Variants in APOBEC3A observed in about 807,000 individuals in gnomAD.
APOBEC3A encodes the protein DNA dC->dU-editing enzyme APOBEC-3A.
APOBEC3A carries 13 observed loss-of-function variants against 23.0 expected under a neutral mutation model. The observed-to-expected ratio is 0.57, with a 90% CI of 0.37 to 0.90. The LOEUF is 0.90. APOBEC3A is among the 40% of genes least tolerant of loss of function. The pLI, the probability that APOBEC3A is intolerant of heterozygous loss-of-function variation, is 0.01. For missense variants in APOBEC3A, 179 were observed against 264.9 expected (o/e 0.68, Z 2.25); for synonymous variants, 74 against 101.3 (o/e 0.73, Z 1.62).
chr22:38,962,038 C>A lies in APOBEC3A; in HGVS notation c.470-60C>A, dbSNP rs1922919096. The A allele has an allele frequency of 1.1e-5, 17 of 1,565,644 alleles. No homozygotes were observed. The South Asian group carries it at 1.6e-4, about 14-fold the overall frequency. On this transcript the variant is annotated intron_variant, in intron 3 of 4. Transcript: ENST00000249116. ...GAAGTCTGTCCTGAGAGTCATGGGC[C>A]CTAGGTGCCACCCCGATCCCACAGC...
chr22:38,960,873 G>A, intron 2 of APOBEC3A, among the ~76,000 whole-genome samples: 1 of 151,772 alleles, frequency 6.6e-6, no homozygotes, highest in Non-Finnish European at 1.5e-5. Context: ...TGACCTCGGG[G>A]CTCCGCCGGC....
chr22:38,958,978 G>A (rs1263961795), intron 1 of APOBEC3A, among the ~76,000 whole-genome samples: 3 of 152,176 alleles, frequency 2.0e-5, no homozygotes, highest in South Asian at 2.1e-4. Context: ...TCCAGCCCAG[G>A]AGTCCTGAGC....
chr22:38,958,001 T>A (rs1331403501), intron 1 of APOBEC3A, among the ~76,000 whole-genome samples: 3 of 152,226 alleles, frequency 2.0e-5, no homozygotes, highest in Non-Finnish European at 4.4e-5. Context: ...GTGAAGACGG[T>A]CAGAGAGGGG....
In APOBEC3A at chr22:38,962,071, T is replaced by C. The variant is rs1215982975; in HGVS notation, c.470-27T>C. 16 of 1,594,790 alleles carry C rather than the reference T, an allele frequency of 1.0e-5. No individual in the cohort carries two copies. In the Admixed American group the frequency reaches 2.4e-4, roughly 23 times the overall value. ...CCACCCCGATCCCACAGCGGGAGCG[T>C]GACTTATCTCCCCTGTCCCTTTTCA... On this transcript the variant is annotated intron_variant, in intron 3 of 4. Coordinates refer to ENST00000249116, the MANE Select transcript of APOBEC3A (RefSeq NM_145699.4).
chr22:38,962,957 CAA>C lies in APOBEC3A; in HGVS notation c.*460_*461del, dbSNP rs60486763. The C allele has an allele frequency of 7.5e-4, 110 of 146,672 alleles. No individual in the cohort carries two copies. Among genetic ancestry groups the C allele is most frequent in the South Asian group, 4.6e-3 (27 of 5,838 alleles). The allele number at this position is 146,672 out of a possible 1,614,324, so 9.1% of individuals were successfully genotyped here. ...TGGGCGACAGTACCAGACTCCATCTCAAAAAAAAAAAAACCAGACTGAATTAA... is the reference window on the plus strand; with the variant it reads ...TGGGCGACAGTACCAGACTCCATCTCAAAAAAAAAAACCAGACTGAATTAA... On this transcript the variant is annotated 3_prime_UTR_variant, in exon 5 of 5. Transcript: ENST00000249116.
intron 4 of APOBEC3A, 99 bp from the exon 5 acceptor site, chr22:38,962,396 C>T: frequency 6.4e-7 from 1 of 1,556,724 alleles, no homozygotes; most frequent in Non-Finnish European, 8.7e-7. Context: ...CCGCATCCCT[C>T]CCTCCTCTCC....
intron 1 of APOBEC3A, among the ~76,000 whole-genome samples, chr22:38,958,818 CTTCTTTCT>C (rs1190575224): frequency 8.9e-6 from 1 of 111,834 alleles, no homozygotes; most frequent in South Asian, 2.7e-4. Flanking sequence ...TTTCTCTTTC[CTTCTTTCT>C]TTCTTTCTTT....
At chr22:38,959,785 T>C in intron 2 of APOBEC3A, 99 bp downstream of exon 2, 1 of 1,471,876 alleles carries the variant, frequency 6.8e-7, no homozygotes, top group Non-Finnish European at 9.1e-7. Flanking sequence ...TCCTGCAGTG[T>C]TTGTCACTTG....
intron 2 of APOBEC3A, among the ~76,000 whole-genome samples, chr22:38,959,908 G>A (rs1922800354): frequency 6.6e-6 from 1 of 152,160 alleles, no homozygotes; most frequent in Admixed American, 6.5e-5. Flanking sequence ...TGCTTCCTGA[G>A]GACCCTCCCA....
At position 38,959,600 on chromosome 22, in the gene APOBEC3A, A is replaced by G. The variant is rs1338654579; in HGVS notation, c.88A>G (p.Lys30Glu). ...SNFNNGIGRH[K>E]TYLCYEVERL... Reference sequence around the variant, plus strand: ...CTTTAACAATGGCATTGGAAGGCATAAGACCTACCTGTGCTACGAAGTGGA... The same window carrying G: ...CTTTAACAATGGCATTGGAAGGCATGAGACCTACCTGTGCTACGAAGTGGA... The change falls in exon 2 of 5, where the codon AAG becomes GAG. Residue 30 changes from lysine (K) to glutamate (E), a missense_variant. Around this residue, in one of 5 missense-constraint regions of APOBEC3A, gnomAD observed 87 missense variants for 74.5 expected, o/e 1.17. Transcript: ENST00000249116. The G allele has an allele frequency of 6.2e-7, 1 of 1,614,014 alleles. No homozygotes were observed. The highest frequency in any genetic ancestry group is 1.3e-5 in the African/African-American group (1 of 74,914).
At position 38,957,621 on chromosome 22, in the gene APOBEC3A, C is replaced by G. The variant is rs371541837; in HGVS notation, c.-71C>G. ...ATCCTAAGAGAATGTTGGTGAAGATCTTAACACCACGCCTTGAGCAAGTCG... is the reference window on the plus strand; with the variant it reads ...ATCCTAAGAGAATGTTGGTGAAGATGTTAACACCACGCCTTGAGCAAGTCG... On this transcript the variant is annotated 5_prime_UTR_variant, in exon 1 of 5. It adds an upstream start codon to the 5' untranslated region. Coordinates refer to ENST00000249116, the MANE Select transcript of APOBEC3A (RefSeq NM_145699.4). The G allele has an allele frequency of 2.5e-6, 4 of 1,576,224 alleles. No individual in the cohort carries two copies. The highest frequency in any genetic ancestry group is 2.6e-6 in the Non-Finnish European group (3 of 1,156,062).
In APOBEC3A at chr22:38,962,669, A is replaced by G. The variant is rs1365752884; in HGVS notation, c.*160A>G. 6.6e-7 allele frequency: 1 copy of G among 1,526,546 alleles called. No homozygotes were observed. The highest frequency in any genetic ancestry group is 8.8e-7 in the Non-Finnish European group (1 of 1,134,390). The allele number at this position is 1,526,546 out of a possible 1,614,324, so 94.6% of individuals were successfully genotyped here. A position where few individuals can be genotyped will look rare whatever the true frequency, so the allele number is the denominator to read the frequency against. On this transcript the variant is annotated 3_prime_UTR_variant, in exon 5 of 5. Coordinates refer to ENST00000249116, the MANE Select transcript of APOBEC3A (RefSeq NM_145699.4). Reference sequence around the variant, plus strand: ...TCCCGATCAAGTAGATTTTTAAAAAATCAGAGTGGGCCGGGCGCGGTGGCT... The same window carrying G: ...TCCCGATCAAGTAGATTTTTAAAAAGTCAGAGTGGGCCGGGCGCGGTGGCT...
chr22:38,961,867 T>G (rs1384304230), intron 3 of APOBEC3A, among the ~76,000 whole-genome samples, 186 bp downstream of exon 3: 1 of 150,268 alleles, frequency 6.7e-6, no homozygotes, highest in Non-Finnish European at 1.5e-5. Flanking sequence ...GCAGGGAGAG[T>G]GGCTGGAAGT....
At chr22:38,962,286 C>A (rs1415954834) in intron 4 of APOBEC3A, 73 bp downstream of exon 4, 1 of 1,608,886 alleles carries the variant, frequency 6.2e-7, no homozygotes, top group Non-Finnish European at 8.5e-7. Flanking sequence ...GCCTTGCCTT[C>A]CCCTCTGCTC....
rs1396193958 is a variant in APOBEC3A at position 38,959,586 on chromosome 22, G to T, written c.74G>T (p.Gly25Val). Residue 25 changes from glycine to valine, a missense_variant, in exon 2 of 5, where the codon GGC becomes GTC. Physicochemically the swap from Gly to Val is moderately radical, Grantham distance 109. Coordinates refer to ENST00000249116, the MANE Select transcript of APOBEC3A (RefSeq NM_145699.4). ...ATATTCACTTCCAACTTTAACAATGGCATTGGAAGGCATAAGACCTACCTG... is the reference window on the plus strand; with the variant it reads ...ATATTCACTTCCAACTTTAACAATGTCATTGGAAGGCATAAGACCTACCTG... Reference protein sequence around the residue: ...PHIFTSNFNNGIGRHKTYLCY... With the variant: ...PHIFTSNFNNVIGRHKTYLCY... 6.2e-7 allele frequency: 1 copy of T among 1,614,050 alleles called. No homozygotes were observed. The highest frequency in any genetic ancestry group is 1.1e-5 in the South Asian group (1 of 91,078).
At chr22:38,958,438 T>A (rs542076642) in intron 1 of APOBEC3A, among the ~76,000 whole-genome samples, 2 of 149,576 alleles carry the variant, frequency 1.3e-5, no homozygotes, top group East Asian at 4.0e-4. Context: ...TTTCTTCCAA[T>A]ATTTCCCTTT....
intron 3 of APOBEC3A, 150 bp from the exon 4 acceptor site, chr22:38,961,948 C>T: frequency 5.8e-6 from 7 of 1,208,780 alleles, no homozygotes; most frequent in Non-Finnish European, 8.0e-6. Context: ...GAAGGAACTG[C>T]CTGATGAAGG....
chr22:38,959,637 A>G lies in APOBEC3A; in HGVS notation c.125A>G (p.Asn42Ser), dbSNP rs749173102. ...YLCYEVERLD[N>S]GTSVKMDQHR... ...TGCTACGAAGTGGAGCGCCTGGACA[A>G]TGGCACCTCGGTCAAGATGGACCAG... The change falls in exon 2 of 5, where the codon AAT becomes AGT. Residue 42 changes from asparagine to serine, a missense_variant. Physicochemically the swap from Asn to Ser is conservative, Grantham distance 46 (BLOSUM62 1). This residue lies in a region of APOBEC3A where 87 missense variants were observed against 74.5 expected (regional missense o/e 1.17). Coordinates refer to ENST00000249116, the MANE Select transcript of APOBEC3A (RefSeq NM_145699.4). 8.7e-6 allele frequency: 14 copies of G among 1,613,988 alleles called. No individual in the cohort carries two copies. The highest frequency in any genetic ancestry group is 1.7e-5 in the Admixed American group (1 of 60,000).
chr22:38,957,638 A>G lies in APOBEC3A; in HGVS notation c.-54A>G. 1 of 1,602,016 alleles carries G rather than the reference A, an allele frequency of 6.2e-7. No individual in the cohort carries two copies. The highest frequency in any genetic ancestry group is 8.5e-7 in the Non-Finnish European group (1 of 1,173,268). Reference sequence around the variant, plus strand: ...GTGAAGATCTTAACACCACGCCTTGAGCAAGTCGCAAGAGCGGGAGGACAC... The same window carrying G: ...GTGAAGATCTTAACACCACGCCTTGGGCAAGTCGCAAGAGCGGGAGGACAC... On this transcript the variant is annotated 5_prime_UTR_variant, in exon 1 of 5. Coordinates refer to ENST00000249116, the MANE Select transcript of APOBEC3A (RefSeq NM_145699.4).
Sources: gnomAD v4.1 joint callset for allele counts (sites outside exome capture counted in the v4.1 genomes callset) on GRCh38, gnomAD v4.1.1 for gene constraint, gnomAD v4.1.1 regional missense constraint, MANE v1.5 for transcripts, NCBI Gene and HGNC (gene_info 2026-07-23, HGNC 2026-07-21) for gene names.